BICD1: variants seen among roughly 807,000 people sequenced by gnomAD.
BICD1 encodes protein bicaudal D homolog 1.
Under a neutral mutation model 92.5 loss-of-function variants are expected in BICD1, and 35 were observed. The ratio of observed to expected loss-of-function variants is 0.38; its 90% CI spans 0.29 to 0.50. The LOEUF is 0.50. Ranked by LOEUF, BICD1 falls within the 20% of genes least tolerant of loss-of-function variation. BICD1 has a pLI of 0.93. For missense variants in BICD1, 950 were observed against 1,189.8 expected, an observed-to-expected ratio of 0.80 and a Z score of 2.97; for synonymous variants, 429 against 465.1, an observed-to-expected ratio of 0.92 and a Z score of 1.00.
chr12:32,141,655 G>A (rs1942924505), intron 1 of BICD1, among the ~76,000 whole-genome samples: 1 of 152,092 alleles, frequency 6.6e-6, no homozygotes, highest in South Asian at 2.1e-4. Context: ...TCTATTTTTA[G>A]TAGAGGTGGG....
chr12:32,108,827 TA>T, intron 1 of BICD1: 1 of 527,260 alleles, frequency 1.9e-6, no homozygotes, highest in East Asian at 3.0e-5. Context: ...TGTCAGGCTG[TA>T]AATTTCTGGT....
intron 1 of BICD1, among the ~76,000 whole-genome samples, chr12:32,190,564 A>T (rs1944537771): frequency 6.6e-6 from 1 of 152,254 alleles, no homozygotes; most frequent in African/African-American, 2.4e-5. Flanking sequence ...TTATAAATAT[A>T]TGTGCACCCC....
intron 8 of BICD1, chr12:32,339,853 A>G: frequency 2.1e-6 from 2 of 967,842 alleles, no homozygotes; most frequent in Non-Finnish European, 2.5e-6. Flanking sequence ...GAGATTTTAT[A>G]TGAACATCAG....
chr12:32,212,249 G>A (rs1175445689), intron 1 of BICD1, among the ~76,000 whole-genome samples: 1 of 152,110 alleles, frequency 6.6e-6, no homozygotes, highest in Non-Finnish European at 1.5e-5. Context: ...TTCTGTGAGT[G>A]TAATTTAGGG....
chr12:32,261,977 T>C (rs557579235), intron 2 of BICD1, among the ~76,000 whole-genome samples: 2 of 151,516 alleles, frequency 1.3e-5, no homozygotes, highest in Admixed American at 1.3e-4. Context: ...CATACTTGGA[T>C]AGAGATGTTA....
intron 1 of BICD1, among the ~76,000 whole-genome samples, chr12:32,169,440 A>G (rs1943868558): frequency 1.3e-5 from 2 of 151,892 alleles, no homozygotes; most frequent in Admixed American, 6.6e-5. Context: ...CATTTTTTCC[A>G]TTAATTTTTT....
At chr12:32,285,898 C>A (rs10844168) in intron 2 of BICD1, among the ~76,000 whole-genome samples, 26,396 of 152,138 alleles carry the variant, frequency 0.17, 2,416 homozygotes, top group East Asian at 0.28. Flanking sequence ...ACAACAGTTG[C>A]AATCTTTTAA....
chr12:32,296,736 C>T (rs1947885038), intron 3 of BICD1, among the ~76,000 whole-genome samples: 1 of 152,208 alleles, frequency 6.6e-6, no homozygotes, highest in South Asian at 2.1e-4. Flanking sequence ...GGAGAGCCTT[C>T]CCTGACCGCA....
chr12:32,116,724 C>T (rs1345604773), intron 1 of BICD1, among the ~76,000 whole-genome samples: 1 of 150,078 alleles, frequency 6.7e-6, no homozygotes, highest in African/African-American at 2.5e-5. Context: ...TTACTGGAGG[C>T]TCAGGTGGCC....
intron 8 of BICD1, among the ~76,000 whole-genome samples, chr12:32,351,722 G>A (rs146578911): frequency 0.011 from 1,717 of 151,262 alleles, 22 homozygotes; most frequent in Admixed American, 0.017. Flanking sequence ...GGTCAATATG[G>A]TAAAACCCCA....
chr12:32,156,642 T>A (rs1056936348), intron 1 of BICD1, among the ~76,000 whole-genome samples: 1 of 152,226 alleles, frequency 6.6e-6, no homozygotes, highest in African/African-American at 2.4e-5. Context: ...CAGGTACTTA[T>A]TACTCTTTCC....
Position 32,107,220 on chromosome 12 carries a change from C to CT in BICD1, c.-109dup, listed in dbSNP as rs1941503373. ...CGCGCTGCTCATTCATCCGGCCGCA[C>CT]TTTCTTTTCCGTTTCCACCCATCCC... On this transcript the variant is annotated 5_prime_UTR_variant, in exon 1 of 10. Coordinates refer to ENST00000652176, the MANE Select transcript of BICD1 (RefSeq NM_001714.4). 3 of 1,075,334 alleles carry CT rather than the reference C, an allele frequency of 2.8e-6. No individual in the cohort carries two copies. The highest frequency in any genetic ancestry group is 4.0e-6 in the Non-Finnish European group (3 of 751,820). 66.6% of individuals were successfully genotyped at this position (1,075,334 alleles called of 1,614,324 possible).
At chr12:32,136,436 C>T (rs945157973) in intron 1 of BICD1, among the ~76,000 whole-genome samples, 2 of 152,150 alleles carry the variant, frequency 1.3e-5, no homozygotes, top group African/African-American at 4.8e-5. Context: ...AAACGAGGAT[C>T]GTAAGCCCCT....
intron 2 of BICD1, among the ~76,000 whole-genome samples, chr12:32,259,924 CTTTT>C (rs56372956): frequency 4.3e-5 from 6 of 140,864 alleles, no homozygotes; most frequent in Non-Finnish European, 3.1e-5. Context: ...ACACTACACA[CTTTT>C]TTTTTTTTTT....
chr12:32,108,823 G>C (rs962051321), intron 1 of BICD1: 10 of 528,360 alleles, frequency 1.9e-5, no homozygotes, highest in Non-Finnish European at 3.4e-5. Flanking sequence ...TGTGTGTCAG[G>C]CTGTAAATTT....
At chr12:32,153,578 G>A (rs1463347477) in intron 1 of BICD1, among the ~76,000 whole-genome samples, 3 of 152,018 alleles carry the variant, frequency 2.0e-5, no homozygotes, top group South Asian at 2.1e-4. Flanking sequence ...GCAACATGGC[G>A]AAAGTTCATC....
intron 3 of BICD1, among the ~76,000 whole-genome samples, chr12:32,296,023 AG>A (rs774702011): frequency 5.9e-5 from 9 of 151,980 alleles, no homozygotes; most frequent in Admixed American, 2.0e-4. Context: ...GTAAGGGGAC[AG>A]TTTCAGTCCA....
chr12:32,128,115 G>A (rs1486383671), intron 1 of BICD1, among the ~76,000 whole-genome samples: 2 of 152,156 alleles, frequency 1.3e-5, no homozygotes, highest in South Asian at 2.1e-4. Context: ...TGTTGGCCAG[G>A]CTGGTCTCAA....
chr12:32,235,008 A>G (rs16919521), intron 2 of BICD1, among the ~76,000 whole-genome samples: 10,469 of 152,152 alleles, frequency 0.069, 1,238 homozygotes, highest in African/African-American at 0.24. Context: ...TGAGGCTATC[A>G]CAATATATAC....
Sources: gnomAD v4.1 joint callset for allele counts (sites outside exome capture counted in the v4.1 genomes callset) on GRCh38, gnomAD v4.1.1 for gene constraint, MANE v1.5 for transcripts, NCBI Gene and HGNC (gene_info 2026-07-23, HGNC 2026-07-21) for gene names.